GLIS3: variants seen among roughly 807,000 people sequenced by gnomAD.
GLIS3 encodes the protein zinc finger protein GLIS3.
A neutral mutation model predicts 78.6 loss-of-function variants in GLIS3; 53 were observed. The ratio of observed to expected loss-of-function variants is 0.67; its 90% CI spans 0.54 to 0.85. The LOEUF (loss-of-function observed/expected upper bound fraction) is 0.85. Among genes scored for constraint, GLIS3 ranks in the 40% least tolerant of loss-of-function variants. GLIS3 has a pLI of 0.00. For missense variants in GLIS3, 1,703 were observed against 1,231.1 expected, an observed-to-expected ratio of 1.38 and a Z score of -5.74; for synonymous variants, 684 against 509.9, an observed-to-expected ratio of 1.34 and a Z score of -4.60.
chr9:4,208,879 T>A (rs1227132724), intron 2 of GLIS3, among the ~76,000 whole-genome samples: 1 of 152,148 alleles, frequency 6.6e-6, no homozygotes, highest in Admixed American at 6.5e-5. Context: ...CTAGAAAGCC[T>A]CCAGCTTTCA....
chr9:4,288,175 A>C (rs192684029), intron 1 of GLIS3, among the ~76,000 whole-genome samples: 8 of 152,312 alleles, frequency 5.3e-5, no homozygotes, highest in African/African-American at 1.9e-4. Flanking sequence ...CTGTAAATCC[A>C]TTCATTGGTA....
rs973995567 is a variant in GLIS3, at chr9:3,827,606, C to A, written c.*666G>T. 8.1e-5 allele frequency: 7 copies of A among 86,464 alleles called. No homozygotes were observed. Among genetic ancestry groups the A allele is most frequent in the African/African-American group, 3.4e-4 (7 of 20,384 alleles). The allele number at this position is 86,464 out of a possible 1,614,324, so 5.4% of individuals were successfully genotyped here. A position where few individuals can be genotyped will look rare whatever the true frequency, so the allele number is the denominator to read the frequency against. ...TTTCCATCCAAAGCACAGACCTTTA[C>A]ATTTTTTTTTCATTTTAAAATACGT... On this transcript the variant is annotated 3_prime_UTR_variant, in exon 11 of 11. Transcript: ENST00000381971.
intron 2 of GLIS3, among the ~76,000 whole-genome samples, chr9:4,156,421 C>G (rs1481654540): frequency 6.6e-6 from 1 of 152,184 alleles, no homozygotes; most frequent in African/African-American, 2.4e-5. Flanking sequence ...TCCTCCTTAT[C>G]CACCCAATAC....
At chr9:4,403,859 G>A in the GLIS3 span, among the ~76,000 whole-genome samples, 4 of 152,050 alleles carry the variant, frequency 2.6e-5, no homozygotes, top group East Asian at 5.8e-4. Context: ...AATGGCAGGA[G>A]TAAGTCCCTA....
At chr9:3,951,336 T>C (rs1816661375) in intron 4 of GLIS3, among the ~76,000 whole-genome samples, 1 of 152,042 alleles carries the variant, frequency 6.6e-6, no homozygotes, top group Non-Finnish European at 1.5e-5. Context: ...GATCTCTTTA[T>C]GATCCACAGA....
chr9:4,160,369 C>T (rs189657105), intron 2 of GLIS3, among the ~76,000 whole-genome samples: 8 of 152,298 alleles, frequency 5.3e-5, no homozygotes, highest in Middle Eastern at 3.4e-3. Flanking sequence ...AATAGGAACT[C>T]GCCGGGTTTA....
chr9:3,991,181 C>G (rs1820201481), intron 4 of GLIS3, among the ~76,000 whole-genome samples: 1 of 152,158 alleles, frequency 6.6e-6, no homozygotes, highest in African/African-American at 2.4e-5. Context: ...TAGGAGGAAG[C>G]TGTGTTTGCA....
intron 2 of GLIS3, among the ~76,000 whole-genome samples, chr9:4,194,827 G>A (rs1818661174): frequency 6.6e-6 from 1 of 152,200 alleles, no homozygotes; most frequent in African/African-American, 2.4e-5. Flanking sequence ...CTAACTTAGG[G>A]AGACGCTTGA....
At position 4,232,052 on chromosome 9, in the gene GLIS3, T is replaced by G. The variant is rs1232671962; in HGVS notation, c.388+53986A>C. Among the ~76,000 whole-genome samples the G allele has an allele frequency of 2.0e-5, 3 of 152,230 alleles. No individual in the cohort carries two copies. The South Asian group carries it at 6.2e-4, about 31-fold the overall frequency. ...TAGGATTTGTATAATTTTAACTTGC[T>G]GTTTTACAACTCAAAAAAATATTTT... is the stretch of plus-strand genomic sequence containing the variant. On this transcript the variant is annotated intron_variant, in intron 2 of 10. Coordinates refer to ENST00000381971, the MANE Select transcript of GLIS3 (RefSeq NM_001042413.2).
At chr9:4,140,374 T>G (rs1163656994) in intron 2 of GLIS3, among the ~76,000 whole-genome samples, 1 of 152,098 alleles carries the variant, frequency 6.6e-6, no homozygotes, top group Non-Finnish European at 1.5e-5. Context: ...CTACCTTTGT[T>G]TTTCCCTAAG....
rs552383205 is a variant in GLIS3 at position 4,281,212 on chromosome 9, T to C, written c.388+4826A>G. ...GTGTTTCTCAAATTTTGGAGTAAGA[T>C]TGGACACCATCACCCGTTCCACGTT... On this transcript the variant is annotated intron_variant, in intron 2 of 10. Transcript: ENST00000381971. 3.9e-5 allele frequency among the ~76,000 whole-genome samples: 6 copies of C among 152,362 alleles called. No homozygotes were observed. The East Asian group carries it at 7.7e-4, about 20-fold the overall frequency.
intron 2 of GLIS3, among the ~76,000 whole-genome samples, chr9:4,247,130 G>A (rs888806362): frequency 2.6e-5 from 4 of 152,116 alleles, no homozygotes; most frequent in Non-Finnish European, 4.4e-5. Flanking sequence ...CCAAAAGCGC[G>A]ATAAAAGCAG....
Position 3,826,872 on chromosome 9 carries a change from T to TAG in GLIS3, c.*1399_*1400insCT, listed in dbSNP as rs1817752721. On this transcript the variant is annotated 3_prime_UTR_variant, in exon 11 of 11. Transcript: ENST00000381971. ...ATGATAGTACCAGAATGTTAGAACT[T>TAG]ACTGTGTCTTTGGGACTGGCCAATT... 1 of 152,218 alleles carries TAG rather than the reference T, an allele frequency of 6.6e-6. No homozygotes were observed. The highest frequency in any genetic ancestry group is 2.4e-5 in the African/African-American group (1 of 41,440). 9.4% of individuals were successfully genotyped at this position (152,218 alleles called of 1,614,324 possible).
At chr9:4,085,879 C>G (rs1489201146) in intron 4 of GLIS3, among the ~76,000 whole-genome samples, 1 of 152,184 alleles carries the variant, frequency 6.6e-6, no homozygotes, top group Non-Finnish European at 1.5e-5. Context: ...GCACATGCCA[C>G]TATGCTTCCT....
intron 4 of GLIS3, among the ~76,000 whole-genome samples, chr9:4,114,727 C>G (rs1831499372): frequency 6.6e-6 from 1 of 152,030 alleles, no homozygotes; most frequent in Admixed American, 6.5e-5. Flanking sequence ...TTCTCAAGCC[C>G]TTTGCCACTG....
intron 9 of GLIS3, among the ~76,000 whole-genome samples, chr9:3,833,177 T>C (rs942978548): frequency 2.6e-5 from 4 of 152,172 alleles, no homozygotes; most frequent in Non-Finnish European, 5.9e-5. Flanking sequence ...CACAGGAAAC[T>C]GTCAAAACCA....
chr9:3,841,554 C>G (rs1207841634), intron 9 of GLIS3, among the ~76,000 whole-genome samples: 1 of 152,202 alleles, frequency 6.6e-6, no homozygotes, highest in Non-Finnish European at 1.5e-5. Flanking sequence ...CATTAGTAGC[C>G]ACCCACATTC....
At chr9:4,353,175 C>G (rs183008343), upstream of GLIS3, among the ~76,000 whole-genome samples, 2 of 152,134 alleles carry the variant, frequency 1.3e-5, no homozygotes, top group Non-Finnish European at 2.9e-5. Context: ...CTCTTGACAT[C>G]CCTGTGCCAT....
At chr9:4,109,050 G>T (rs1586693510) in intron 4 of GLIS3, among the ~76,000 whole-genome samples, 1 of 152,108 alleles carries the variant, frequency 6.6e-6, no homozygotes, top group Non-Finnish European at 1.5e-5. Context: ...CTGGGAATGG[G>T]TGCCATTTTG....
Sources: allele counts gnomAD v4.1 joint callset (sites outside exome capture counted in the v4.1 genomes callset), GRCh38; gene constraint gnomAD v4.1.1; transcripts MANE v1.5; gene names NCBI Gene and HGNC (gene_info 2026-07-23, HGNC 2026-07-21).